TEX9: variants seen among roughly 807,000 people sequenced by gnomAD.
TEX9 encodes testis expressed 9.
TEX9 carries 74 observed loss-of-function variants against 59.6 expected under a neutral mutation model. The ratio of observed to expected loss-of-function variants is 1.24; its 90% confidence interval spans 1.03 to 1.51. The LOEUF (loss-of-function observed/expected upper bound fraction) is 1.51, where lower values mean the gene tolerates loss of function less well. Ranked by LOEUF, TEX9 falls within the 40% of genes most tolerant of loss-of-function variation. The probability of loss-of-function intolerance (pLI) is 0.00; values close to 1 mark genes in which losing one functional copy is unlikely to be tolerated. For synonymous variants in TEX9, 186 were observed against 152.2 expected (o/e 1.22, Z -1.64); for missense variants, 522 against 447.8 (o/e 1.17, Z -1.49).
intron 1 of TEX9, among the ~76,000 whole-genome samples, chr15:56,342,355 A>G (rs2046388072): frequency 6.6e-6 from 1 of 152,118 alleles, no homozygotes; most frequent in Admixed American, 6.6e-5. Flanking sequence ...GGCTACCTCT[A>G]CTCAGTTTTT....
chr15:56,407,277 A>C (rs1210778233), intron 9 of TEX9, among the ~76,000 whole-genome samples: 1 of 152,090 alleles, frequency 6.6e-6, no homozygotes, highest in Non-Finnish European at 1.5e-5. Flanking sequence ...TCTTTGAACT[A>C]TTCTGTTATA....
intron 12 of TEX9, chr15:56,434,252 C>T (rs2050678660): frequency 6.2e-7 from 1 of 1,613,884 alleles, no homozygotes. Flanking sequence ...TTCGATCATC[C>T]TCAGCAAATT....
intron 1 of TEX9, chr15:56,249,274 A>T (rs2043948665): frequency 6.6e-6 from 1 of 152,182 alleles, no homozygotes; most frequent in Non-Finnish European, 1.5e-5. Flanking sequence ...TCTCTTAGGC[A>T]ACTCCAGGGG....
At chr15:56,391,599 G>T (rs952293515) in intron 7 of TEX9, among the ~76,000 whole-genome samples, 181 bp downstream of exon 7, 4 of 151,794 alleles carry the variant, frequency 2.6e-5, no homozygotes, top group African/African-American at 9.7e-5. Flanking sequence ...AATAAAATTG[G>T]CCATGGGTCA....
intron 1 of TEX9, among the ~76,000 whole-genome samples, chr15:56,282,992 G>T (rs1406333458): frequency 6.6e-6 from 1 of 151,906 alleles, no homozygotes; most frequent in Non-Finnish European, 1.5e-5. Flanking sequence ...TCCAATTTGT[G>T]AAAATAGAGG....
chr15:56,316,259 G>T (rs1300781936), intron 1 of TEX9, among the ~76,000 whole-genome samples: 3 of 151,404 alleles, frequency 2.0e-5, no homozygotes, highest in Non-Finnish European at 4.4e-5. Context: ...TTTCTGTTCT[G>T]TTTTTTCCCC....
chr15:56,367,670 A>G (rs1269823652), intron 2 of TEX9, among the ~76,000 whole-genome samples: 1 of 152,200 alleles, frequency 6.6e-6, no homozygotes, highest in Non-Finnish European at 1.5e-5. Context: ...TATTTATGCT[A>G]TTGAATTTTC....
chr15:56,297,709 T>G lies in TEX9; in HGVS notation c.-107+53431T>G, dbSNP rs1443703214. Among the ~76,000 whole-genome samples, 8 of 152,196 alleles carry G rather than the reference T, an allele frequency of 5.3e-5. No individual in the cohort carries two copies. In the East Asian group the frequency reaches 1.3e-3, roughly 26 times the overall value. On this transcript the variant is annotated intron_variant, in intron 1 of 5. Transcript: ENST00000560827. ...TAGTGGAGACAGAGTTTTACCATGTTGGCCAGAATGGTCTTGAATGCCTGC... is the reference window on the plus strand; with the variant it reads ...TAGTGGAGACAGAGTTTTACCATGTGGGCCAGAATGGTCTTGAATGCCTGC...
chr15:56,255,249 CAG>C (rs752220613), intron 1 of TEX9, among the ~76,000 whole-genome samples: 1 of 152,028 alleles, frequency 6.6e-6, no homozygotes, highest in African/African-American at 2.4e-5. Context: ...TTTACAAAAG[CAG>C]GGGGCAGGTG....
intron 1 of TEX9, among the ~76,000 whole-genome samples, chr15:56,339,404 A>AAAAAAAAC (rs2046329100): frequency 7.2e-6 from 1 of 138,688 alleles, no homozygotes; most frequent in Non-Finnish European, 1.6e-5. Flanking sequence ...AAAAAAAAAA[A>AAAAAAAAC]AAAAAAAAAA....
chr15:56,314,358 C>T, intron 1 of TEX9, among the ~76,000 whole-genome samples: 2 of 59,254 alleles, frequency 3.4e-5, no homozygotes, highest in Non-Finnish European at 7.7e-5. Context: ...TGTCTTTGTT[C>T]TCGTTGGTTT....
intron 1 of TEX9, among the ~76,000 whole-genome samples, chr15:56,288,892 C>T (rs1474738495): frequency 6.6e-6 from 1 of 152,070 alleles, no homozygotes; most frequent in Non-Finnish European, 1.5e-5. Context: ...GATGCTATCC[C>T]ATAAATCCTA....
At chr15:56,309,708 T>G (rs1281814050) in intron 1 of TEX9, among the ~76,000 whole-genome samples, 12 of 131,950 alleles carry the variant, frequency 9.1e-5, no homozygotes, top group Non-Finnish European at 1.4e-4. Context: ...TTTTTTTTTT[T>G]TTTTTTTTTT....
chr15:56,417,947 C>CT (rs1224644325), intron 10 of TEX9, among the ~76,000 whole-genome samples: 1 of 151,792 alleles, frequency 6.6e-6, no homozygotes, highest in African/African-American at 2.4e-5. Context: ...CTTTCTTTGT[C>CT]TTTTTTGATC....
intron 9 of TEX9, among the ~76,000 whole-genome samples, chr15:56,406,349 A>G (rs1195321172): frequency 6.6e-6 from 1 of 152,084 alleles, no homozygotes; most frequent in East Asian, 1.9e-4. Flanking sequence ...TGTTTATCTG[A>G]TCACCAGTTG....
chr15:56,373,830 T>C (rs1421258514), intron 3 of TEX9, among the ~76,000 whole-genome samples: 1 of 152,132 alleles, frequency 6.6e-6, no homozygotes, highest in African/African-American at 2.4e-5. Flanking sequence ...TTTAAAACTT[T>C]TATCAGTTCT....
chr15:56,278,111 T>C (rs1446961175), intron 1 of TEX9, among the ~76,000 whole-genome samples: 1 of 152,206 alleles, frequency 6.6e-6, no homozygotes, highest in African/African-American at 2.4e-5. Flanking sequence ...ATTCAACCTA[T>C]TCTTTCCTAT....
chr15:56,441,032 T>C (rs983313134), intron 12 of TEX9, among the ~76,000 whole-genome samples: 7 of 152,146 alleles, frequency 4.6e-5, no homozygotes, highest in African/African-American at 1.7e-4. Context: ...AGATATAAAC[T>C]TTCCTCTAAG....
chr15:56,360,740 A>C (rs994919033), upstream of TEX9, among the ~76,000 whole-genome samples: 1 of 152,182 alleles, frequency 6.6e-6, no homozygotes, highest in Non-Finnish European at 1.5e-5. Context: ...AAAAACTAAT[A>C]TGAAGCCATA....
Sources: allele counts gnomAD v4.1 joint callset (sites outside exome capture counted in the v4.1 genomes callset), GRCh38; gene constraint gnomAD v4.1.1; transcripts MANE v1.5; gene names NCBI Gene and HGNC (gene_info 2026-07-23, HGNC 2026-07-21).